The following ANKRD17 variants were observed in gnomAD, a reference collection of about 807,000 sequenced individuals.
The protein encoded by ANKRD17 is ankyrin repeat domain-containing protein 17.
In ANKRD17, 19 loss-of-function variants were observed where a neutral mutation model predicts 229.7. That is an observed-to-expected ratio of 0.08 (90% CI 0.06 to 0.12). The LOEUF is 0.12. Among genes scored for constraint, ANKRD17 ranks in the 10% least tolerant of loss-of-function variants. The pLI, the probability that ANKRD17 is intolerant of heterozygous loss-of-function variation, is 1.00. For missense variants in ANKRD17, 2,176 were observed against 3,176.8 expected (o/e 0.68, Z 7.57); for synonymous variants, 1,112 against 1,146.1 (o/e 0.97, Z 0.60).
chr4:73,150,623 C>A (rs1205494176), intron 7 of ANKRD17, among the ~76,000 whole-genome samples: 2 of 152,070 alleles, frequency 1.3e-5, no homozygotes, highest in Admixed American at 6.6e-5. Flanking sequence ...AAATGGCTAC[C>A]TCATATTTTA....
chr4:73,219,151 CTT>C (rs1260558543), intron 1 of ANKRD17, among the ~76,000 whole-genome samples: 1 of 152,174 alleles, frequency 6.6e-6, no homozygotes, highest in Non-Finnish European at 1.5e-5. Flanking sequence ...TTTATCAACT[CTT>C]AATGATTTAC....
intron 11 of ANKRD17, among the ~76,000 whole-genome samples, chr4:73,143,569 C>G (rs978386225): frequency 6.6e-6 from 1 of 152,180 alleles, no homozygotes; most frequent in Admixed American, 6.5e-5. Flanking sequence ...ATATTCATAA[C>G]AGTATTCTAA....
At chr4:73,240,771 T>C (rs887144354) in intron 1 of ANKRD17, among the ~76,000 whole-genome samples, 1 of 151,910 alleles carries the variant, frequency 6.6e-6, no homozygotes, top group African/African-American at 2.4e-5. Context: ...ATTTTAGTAT[T>C]CAGGCCTTCA....
chr4:73,256,657 G>T (rs1455954791), intron 1 of ANKRD17, among the ~76,000 whole-genome samples: 62 of 152,082 alleles, frequency 4.1e-4, no homozygotes, highest in Non-Finnish European at 4.4e-5. Context: ...TCTCACCTTT[G>T]AGAAGAATCA....
intron 1 of ANKRD17, among the ~76,000 whole-genome samples, chr4:73,247,016 T>C (rs939106020): frequency 6.6e-6 from 1 of 152,040 alleles, no homozygotes; most frequent in Admixed American, 6.5e-5. Context: ...GTGAAAACAA[T>C]GTCAAGGGAG....
chr4:73,120,552 A>G (rs1380078897), intron 20 of ANKRD17, among the ~76,000 whole-genome samples: 12 of 151,414 alleles, frequency 7.9e-5, no homozygotes, highest in Non-Finnish European at 1.3e-4. Context: ...AAAAAAAAAA[A>G]AAAGAAAGAA....
At chr4:73,225,543 G>A (rs987837588) in intron 1 of ANKRD17, among the ~76,000 whole-genome samples, 2 of 152,060 alleles carry the variant, frequency 1.3e-5, no homozygotes, top group African/African-American at 4.8e-5. Flanking sequence ...AAAAAAGCAG[G>A]CAACACTGTT....
intron 1 of ANKRD17, among the ~76,000 whole-genome samples, chr4:73,208,621 G>C (rs1739829416): frequency 6.6e-6 from 1 of 152,144 alleles, no homozygotes; most frequent in Non-Finnish European, 1.5e-5. Flanking sequence ...AACAGCCTTA[G>C]GCATTAGAGA....
Position 73,135,253 on chromosome 4 carries a change from C to T in ANKRD17, c.3098G>A (p.Arg1033Lys). 1 of 1,611,456 alleles carries T rather than the reference C, an allele frequency of 6.2e-7. No homozygotes were observed. The highest frequency in any genetic ancestry group is 8.5e-7 in the Non-Finnish European group (1 of 1,178,488). Residue 1033 changes from arginine to lysine, a missense_variant, in exon 16 of 34, where the codon AGA becomes AAA. This residue lies in a region of ANKRD17 where 230 missense variants were observed against 252.3 expected (regional missense o/e 0.91). Coordinates refer to ENST00000358602, the MANE Select transcript of ANKRD17 (RefSeq NM_032217.5). The stretch of plus-strand genomic sequence containing the variant: ...AGGAGTGTTTGACATTGCAGATGCT[C>T]TTCCACTGACTGCTGTTGAACAAAA... ...LDDIMAAVSGRASAMSNTPTH... is the reference protein window; with the variant it reads ...LDDIMAAVSGKASAMSNTPTH...
In ANKRD17 at chr4:73,090,996, G is replaced by A. The variant is rs1374683856; in HGVS notation, c.6632C>T (p.Pro2211Leu). The A allele has an allele frequency of 1.9e-6, 3 of 1,614,090 alleles. No homozygotes were observed. Among genetic ancestry groups the A allele is most frequent in the African/African-American group, 1.3e-5 (1 of 74,924 alleles). Residue 2211 changes from proline to leucine, a missense_variant, in exon 29 of 34, where the codon CCT becomes CTT. By Grantham distance (98) the Pro-to-Leu change is moderately conservative. Coordinates refer to ENST00000358602, the MANE Select transcript of ANKRD17 (RefSeq NM_032217.5). ...CTGGACAGAAGAGGGAACACTGTGA[G>A]GTCTTTTAATGTGATTGACACTGAG... Reference protein sequence around the residue: ...AVLSVNHIKRPHSVPSSVQLP... With the variant: ...AVLSVNHIKRLHSVPSSVQLP...
Position 73,076,096 on chromosome 4 carries a change from A to C in ANKRD17, c.*135T>G. The stretch of plus-strand genomic sequence containing the variant: ...TTCACAGAAAATAGGTCAGTTAGTA[A>C]GATCTTCTGCAAAAAGCCTACACAC... On this transcript the variant is annotated 3_prime_UTR_variant, in exon 34 of 34. Transcript: ENST00000358602. The C allele has an allele frequency of 1.8e-6, 1 of 568,798 alleles. No homozygotes were observed. Among genetic ancestry groups the C allele is most frequent in the Non-Finnish European group, 2.9e-6 (1 of 348,862 alleles). 35.2% of individuals were successfully genotyped at this position (568,798 alleles called of 1,614,324 possible).
intron 2 of ANKRD17, among the ~76,000 whole-genome samples, chr4:73,163,276 A>T (rs2148924805): frequency 6.6e-6 from 1 of 152,270 alleles, no homozygotes; most frequent in East Asian, 1.9e-4. Flanking sequence ...CAATTCTGAT[A>T]AACAGCTAGG....
intron 1 of ANKRD17, among the ~76,000 whole-genome samples, chr4:73,179,503 TATATATATA>T (rs1167308380): frequency 1.3e-5 from 1 of 79,674 alleles, no homozygotes; most frequent in South Asian, 3.7e-4. Context: ...TATATATATA[TATATATATA>T]TATATATTTT....
At chr4:73,135,722 A>G (rs949311437) in intron 15 of ANKRD17, among the ~76,000 whole-genome samples, 1 of 152,164 alleles carries the variant, frequency 6.6e-6, no homozygotes, top group African/African-American at 2.4e-5. Context: ...TCGGGGAGGG[A>G]GAAATCTCAC....
At chr4:73,191,932 C>A (rs983773100) in intron 1 of ANKRD17, among the ~76,000 whole-genome samples, 1 of 151,900 alleles carries the variant, frequency 6.6e-6, no homozygotes, top group South Asian at 2.1e-4. Context: ...TATGGAAGTT[C>A]TTTTTATTTT....
rs928295060 is a variant in ANKRD17 at position 73,124,883 on chromosome 4, G to A, written c.3492+30C>T. On this transcript the variant is annotated intron_variant, in intron 18 of 33. Transcript: ENST00000358602. ...GTACACATTTGCTAAACAGAGAAAG[G>A]AAAACAATTACACTAAGGGGAAACA... is the stretch of plus-strand genomic sequence containing the variant. 4 of 1,602,654 alleles carry A rather than the reference G, an allele frequency of 2.5e-6. No homozygotes were observed. The African/African-American group carries it at 5.4e-5, about 21-fold the overall frequency.
chr4:73,140,822 C>A (rs918356358), intron 14 of ANKRD17, among the ~76,000 whole-genome samples: 1 of 152,146 alleles, frequency 6.6e-6, no homozygotes, highest in African/African-American at 2.4e-5. Context: ...TTGGGGCCTA[C>A]CATCTTCAAG....
chr4:73,135,334 C>A, intron 15 of ANKRD17, 69 bp from the exon 16 acceptor site: 1 of 1,442,180 alleles, frequency 6.9e-7, no homozygotes, highest in South Asian at 1.4e-5. Flanking sequence ...CATATTCACT[C>A]AAAAATATTT....
intron 1 of ANKRD17, among the ~76,000 whole-genome samples, chr4:73,189,857 G>A (rs1190650867): frequency 6.6e-6 from 1 of 152,120 alleles, no homozygotes; most frequent in East Asian, 1.9e-4. Context: ...ACACCAGTGT[G>A]TGACATAGTT....
Sources: gnomAD v4.1 joint callset for allele counts (sites outside exome capture counted in the v4.1 genomes callset) on GRCh38, gnomAD v4.1.1 for gene constraint, gnomAD v4.1.1 regional missense constraint, MANE v1.5 for transcripts, NCBI Gene and HGNC (gene_info 2026-07-23, HGNC 2026-07-21) for gene names.